The following FBXO40 variants were observed in gnomAD, a reference collection of about 807,000 sequenced individuals.
FBXO40 encodes F-box protein 40.
Under a neutral mutation model 49.9 loss-of-function variants are expected in FBXO40, and 50 were observed. The observed-to-expected ratio is 1.00, with a 90% CI of 0.80 to 1.27. The LOEUF is 1.27. FBXO40 is among the 50% of genes most tolerant of loss of function. The probability of loss-of-function intolerance (pLI) is 0.00; values close to 1 mark genes in which losing one functional copy is unlikely to be tolerated. For missense variants in FBXO40, 895 were observed against 870.1 expected, an observed-to-expected ratio of 1.03 and a Z score of -0.36; for synonymous variants, 340 against 320.2, an observed-to-expected ratio of 1.06 and a Z score of -0.66.
At chr3:121,607,982 T>C (rs1317812205) in intron 1 of FBXO40, among the ~76,000 whole-genome samples, 2 of 152,250 alleles carry the variant, frequency 1.3e-5, no homozygotes, top group Non-Finnish European at 2.9e-5. Flanking sequence ...TAATTTGTTA[T>C]CATTAACCAG....
intron 1 of FBXO40, among the ~76,000 whole-genome samples, chr3:121,600,181 T>C (rs1474281842): frequency 6.9e-6 from 1 of 145,676 alleles, no homozygotes; most frequent in Admixed American, 7.1e-5. Context: ...CAGGCATGTG[T>C]CACACTTGGC....
intron 1 of FBXO40, among the ~76,000 whole-genome samples, chr3:121,602,694 T>A (rs952256551): frequency 6.6e-6 from 1 of 152,234 alleles, no homozygotes; most frequent in African/African-American, 2.4e-5. Context: ...AATTACAGTG[T>A]TAAATGGCTC....
In FBXO40 at chr3:121,628,217, C is replaced by T; in HGVS notation, c.*1307C>T. On this transcript the variant is annotated 3_prime_UTR_variant, in exon 4 of 4. Transcript: ENST00000338040. ...GAGGGGATGGAGTTCACTCTTGTTG[C>T]CCAGGCTGGAGCGCAATGACATGAT... 1 of 225,914 alleles carries T rather than the reference C, an allele frequency of 4.4e-6. No homozygotes were observed. Among genetic ancestry groups the T allele is most frequent in the Non-Finnish European group, 8.5e-6 (1 of 117,020 alleles). 14.0% of individuals were successfully genotyped at this position (225,914 alleles called of 1,614,324 possible). A position where few individuals can be genotyped will look rare whatever the true frequency, so the allele number is the denominator to read the frequency against.
At chr3:121,609,759 A>G (rs947760399) in intron 1 of FBXO40, among the ~76,000 whole-genome samples, 1 of 152,258 alleles carries the variant, frequency 6.6e-6, no homozygotes, top group African/African-American at 2.4e-5. Context: ...CCATGCAAGA[A>G]AACCAGAGTC....
chr3:121,600,201 T>A, intron 1 of FBXO40, among the ~76,000 whole-genome samples: 1 of 147,652 alleles, frequency 6.8e-6, no homozygotes, highest in Admixed American at 6.8e-5. Context: ...CTGATTTTTT[T>A]TTTTTTTTTT....
In FBXO40 at chr3:121,622,615, A is replaced by G; in HGVS notation, c.1186A>G (p.Ile396Val). The G allele has an allele frequency of 6.2e-7, 1 of 1,611,362 alleles. No individual in the cohort carries two copies. The highest frequency in any genetic ancestry group is 8.5e-7 in the Non-Finnish European group (1 of 1,177,458). ...GGAGGACCTGCCCAAATCAGATCTC[A>G]TCAAGACCACCCTCCAGTGTGCTTT... Reference protein sequence around the residue: ...TVEDLPKSDLIKTTLQCALER... With the variant: ...TVEDLPKSDLVKTTLQCALER... Residue 396 changes from isoleucine (I) to valine (V), a missense_variant, in exon 3 of 4, where the codon ATC (isoleucine) becomes GTC (valine). Coordinates refer to ENST00000338040, the MANE Select transcript of FBXO40 (RefSeq NM_016298.4).
intron 1 of FBXO40, among the ~76,000 whole-genome samples, chr3:121,613,243 G>A (rs1411918110): frequency 1.3e-5 from 2 of 152,114 alleles, no homozygotes; most frequent in African/African-American, 2.4e-5. Context: ...GCCTCCAGCC[G>A]AGCTCCACTG....
intron 3 of FBXO40, among the ~76,000 whole-genome samples, chr3:121,624,934 T>C (rs955836535): frequency 1.3e-5 from 2 of 152,082 alleles, no homozygotes; most frequent in Non-Finnish European, 2.9e-5. Context: ...TTCCCAGCTG[T>C]GACTCTGATT....
intron 1 of FBXO40, among the ~76,000 whole-genome samples, chr3:121,610,687 T>C (rs982644514): frequency 5.3e-5 from 8 of 152,174 alleles, no homozygotes; most frequent in African/African-American, 1.9e-4. Flanking sequence ...TTGCCCAGGC[T>C]GGGGTGCAGT....
At chr3:121,625,447 G>A (rs553101755) in intron 3 of FBXO40, among the ~76,000 whole-genome samples, 10 of 152,206 alleles carry the variant, frequency 6.6e-5, no homozygotes, top group African/African-American at 2.4e-4. Flanking sequence ...ATTTATTCCT[G>A]AGCAGTCTTC....
chr3:121,615,983 CTAAGGCCCCACAG>C (rs1202088934), intron 1 of FBXO40, among the ~76,000 whole-genome samples: 1 of 152,156 alleles, frequency 6.6e-6, no homozygotes, highest in Non-Finnish European at 1.5e-5. Flanking sequence ...AATCACTTCT[CTAAGGCCCCACAG>C]CCAGACACCC....
Position 121,617,617 on chromosome 3 carries a change from T to TA in FBXO40, c.-30-2923dup, listed in dbSNP as rs893992250. Among the ~76,000 whole-genome samples, 96 of 151,808 alleles carry TA rather than the reference T, an allele frequency of 6.3e-4. 2 individuals carry two copies. The highest frequency in any genetic ancestry group is 5.2e-3 in the Admixed American group (79 of 15,244). ...CACAAAAAACAACAACAAAATTTTT[T>TA]AAAAAATAAAGTTAGAAGAAATAAG... On this transcript the variant is annotated intron_variant, in intron 1 of 3. Transcript: ENST00000338040.
intron 1 of FBXO40, among the ~76,000 whole-genome samples, chr3:121,599,678 A>ATG (rs1302618535): frequency 2.3e-3 from 56 of 24,282 alleles, no homozygotes; most frequent in African/African-American, 0.01. Flanking sequence ...ACACATGCAC[A>ATG]CACACACACA....
chr3:121,610,071 T>C (rs1381758236), intron 1 of FBXO40, among the ~76,000 whole-genome samples: 1 of 152,236 alleles, frequency 6.6e-6, no homozygotes. Context: ...GCATTCCCTC[T>C]TCCAGTGACC....
intron 1 of FBXO40, among the ~76,000 whole-genome samples, chr3:121,609,226 AAAT>A (rs1386209044): frequency 2.0e-5 from 3 of 152,078 alleles, no homozygotes; most frequent in Admixed American, 2.0e-4. Context: ...AACAAATAGT[AAAT>A]AATAAAAAAA....
intron 1 of FBXO40, among the ~76,000 whole-genome samples, chr3:121,613,052 A>G (rs1400048677): frequency 6.7e-6 from 1 of 149,112 alleles, no homozygotes; most frequent in Non-Finnish European, 1.5e-5. Context: ...CCTGGGCGAC[A>G]GAGCAAGACT....
At chr3:121,626,598 T>A (rs1359385964) in intron 3 of FBXO40, 97 bp from the exon 4 acceptor site, 2 of 1,078,108 alleles carry the variant, frequency 1.9e-6, no homozygotes, top group South Asian at 2.7e-5. Context: ...TCTAAGAATA[T>A]GAAGAACAGG....
chr3:121,627,495 G>C lies in FBXO40; in HGVS notation c.*585G>C, dbSNP rs1025516939. On this transcript the variant is annotated 3_prime_UTR_variant, in exon 4 of 4. Coordinates refer to ENST00000338040, the MANE Select transcript of FBXO40 (RefSeq NM_016298.4). Reference sequence around the variant, plus strand: ...GCCTGACATAGGAGAGCCCCTGGCTGAGCATGGCAGCCTTGAAGACACCAC... The same window carrying C: ...GCCTGACATAGGAGAGCCCCTGGCTCAGCATGGCAGCCTTGAAGACACCAC... 5.2e-6 allele frequency: 1 copy of C among 190,514 alleles called. No individual in the cohort carries two copies. Among genetic ancestry groups the C allele is most frequent in the South Asian group, 1.9e-4 (1 of 5,198 alleles). The allele number at this position is 190,514 out of a possible 1,614,324, so 11.8% of individuals were successfully genotyped here. A position where few individuals can be genotyped will look rare whatever the true frequency, so the allele number is the denominator to read the frequency against.
chr3:121,596,934 G>A (rs2048875611), intron 1 of FBXO40, among the ~76,000 whole-genome samples: 1 of 152,086 alleles, frequency 6.6e-6, no homozygotes, highest in South Asian at 2.1e-4. Flanking sequence ...CTGAGTGCTG[G>A]GGGCAGTGTT....
Sources: allele counts gnomAD v4.1 joint callset (sites outside exome capture counted in the v4.1 genomes callset), GRCh38; gene constraint gnomAD v4.1.1; transcripts MANE v1.5; gene names NCBI Gene and HGNC (gene_info 2026-07-23, HGNC 2026-07-21).